NCOR1: variants seen among roughly 807,000 people sequenced by gnomAD.
NCOR1 encodes nuclear receptor corepressor 1.
In NCOR1, 63 loss-of-function variants were observed where a neutral mutation model predicts 288.1. The ratio of observed to expected loss-of-function variants is 0.22; its 90% CI spans 0.18 to 0.27. NCOR1 has a LOEUF of 0.27. Among genes scored for constraint, NCOR1 ranks in the 10% least tolerant of loss-of-function variants. The probability of loss-of-function intolerance (pLI) is 1.00; values close to 1 mark genes in which losing one functional copy is unlikely to be tolerated. For synonymous variants in NCOR1, 1,007 were observed against 1,065.9 expected (o/e 0.94, Z 1.08); for missense variants, 2,397 against 3,019.2 (o/e 0.79, Z 4.83).
At chr17:16,045,797 C>T (rs2058554301) in intron 42 of NCOR1, among the ~76,000 whole-genome samples, 1 of 151,940 alleles carries the variant, frequency 6.6e-6, no homozygotes, top group African/African-American at 2.4e-5. Flanking sequence ...TGAGCCACCA[C>T]ACCCAGACAA....
At chr17:16,113,196 T>A (rs1432582921) in intron 18 of NCOR1, among the ~76,000 whole-genome samples, 1 of 151,504 alleles carries the variant, frequency 6.6e-6, no homozygotes, top group South Asian at 2.1e-4. Flanking sequence ...ATTACAGGCA[T>A]AAGCCACCGC....
At chr17:16,088,370 T>TTA (rs2064589109) in intron 22 of NCOR1, among the ~76,000 whole-genome samples, 2 of 152,156 alleles carry the variant, frequency 1.3e-5, no homozygotes, top group African/African-American at 4.8e-5. Context: ...ACCATCTCTT[T>TTA]TATATATATG....
intron 5 of NCOR1, among the ~76,000 whole-genome samples, chr17:16,159,890 GTGCAATGGCGCTCAC>G (rs1254191533): frequency 6.6e-6 from 1 of 150,766 alleles, no homozygotes; most frequent in Non-Finnish European, 1.5e-5. Context: ...CAAGGCTGGA[GTGCAATGGCGCTCAC>G]TGCAACCTCC....
At chr17:16,213,037 G>A (rs1305231015) in intron 1 of NCOR1, among the ~76,000 whole-genome samples, 3 of 143,090 alleles carry the variant, frequency 2.1e-5, no homozygotes, top group Non-Finnish European at 4.5e-5. Flanking sequence ...TTTCAGCCTG[G>A]GCAAAAGAGA....
chr17:16,189,352 C>T (rs572296992), intron 2 of NCOR1, among the ~76,000 whole-genome samples: 24 of 152,118 alleles, frequency 1.6e-4, no homozygotes, highest in Non-Finnish European at 2.6e-4. Flanking sequence ...CAAGATTGTG[C>T]CACTGTACTT....
intron 14 of NCOR1, among the ~76,000 whole-genome samples, chr17:16,135,896 G>A (rs910719120): frequency 6.6e-6 from 1 of 152,190 alleles, no homozygotes; most frequent in Non-Finnish European, 1.5e-5. Context: ...CAAAAGGGTG[G>A]CTGAGTGGGA....
In NCOR1 at chr17:16,048,976, T is replaced by C. The variant is rs768573754; in HGVS notation, c.6405A>G (p.Lys2135=). 4.4e-6 allele frequency: 7 copies of C among 1,608,578 alleles called. No individual in the cohort carries two copies. In the South Asian group the frequency reaches 5.5e-5, roughly 13 times the overall value. Residue 2135 remains lysine (K), a synonymous_variant, in exon 41 of 46, where the codon AAA becomes AAG. Transcript: ENST00000268712. ...AAGAGACGTGACTCCTCTCTGGGGA[T>C]TTTCCAGGCCTACTATTGTAATATG... ...VDKSRGSRPG[K]SPERSHVSSE...
intron 10 of NCOR1, among the ~76,000 whole-genome samples, chr17:16,144,274 G>A (rs906765197): frequency 6.6e-6 from 1 of 152,124 alleles, no homozygotes; most frequent in Non-Finnish European, 1.5e-5. Flanking sequence ...AGGATATTTA[G>A]GTCTGTTCTT....
At chr17:16,035,026 ATG>A in intron 44 of NCOR1, 82 bp from the exon 45 acceptor site, 3 of 1,346,372 alleles carry the variant, frequency 2.2e-6, no homozygotes, top group African/African-American at 1.5e-5. Context: ...ATATTGCTAA[ATG>A]AAAAAAAAGC....
chr17:16,142,988 ATAAACT>A (rs775221090), intron 11 of NCOR1, among the ~76,000 whole-genome samples: 1 of 152,286 alleles, frequency 6.6e-6, no homozygotes, highest in African/African-American at 2.4e-5. Context: ...TCCTCCATAT[ATAAACT>A]TAATCTCTAT....
chr17:16,130,927 G>C (rs1316236178), intron 14 of NCOR1, among the ~76,000 whole-genome samples: 1 of 151,168 alleles, frequency 6.6e-6, no homozygotes, highest in Non-Finnish European at 1.5e-5. Flanking sequence ...AGGCTCAAGT[G>C]ATTTGCCCAC....
chr17:16,171,896 A>C lies in NCOR1; in HGVS notation c.342T>G (p.Val114=). 2 of 1,613,482 alleles carry C rather than the reference A, an allele frequency of 1.2e-6. No individual in the cohort carries two copies. The highest frequency in any genetic ancestry group is 1.7e-6 in the Non-Finnish European group (2 of 1,179,728). ...TGACACGCTGAAAATGAGAATCAGAAACCTGTTCCAGACGTGGTCGCTTCG... is the reference window on the plus strand; with the variant it reads ...TGACACGCTGAAAATGAGAATCAGACACCTGTTCCAGACGTGGTCGCTTCG... ...LESKRPRLEQ[V]SDSHFQRVSA... The change falls in exon 4 of 46, where the codon GTT becomes GTG. Residue 114 remains valine (V), a synonymous_variant. Coordinates refer to ENST00000268712, the MANE Select transcript of NCOR1 (RefSeq NM_006311.4).
chr17:16,151,717 C>T, intron 8 of NCOR1: 1 of 1,147,144 alleles, frequency 8.7e-7, no homozygotes, highest in Non-Finnish European at 1.2e-6. Flanking sequence ...ATAAAACCAG[C>T]TAGTTTTATG....
intron 21 of NCOR1, among the ~76,000 whole-genome samples, chr17:16,095,366 C>T (rs1371599830): frequency 1.5e-4 from 23 of 151,168 alleles, no homozygotes; most frequent in Admixed American, 5.3e-4. Context: ...CGTCTCCGCC[C>T]GGCAGCCACC....
At chr17:16,168,584 G>A (rs924407003) in intron 4 of NCOR1, among the ~76,000 whole-genome samples, 54 of 152,040 alleles carry the variant, frequency 3.6e-4, no homozygotes, top group Admixed American at 1.2e-3. Flanking sequence ...AATACCCACC[G>A]TACCTTAAAA....
At chr17:16,204,516 A>C (rs574595624) in intron 1 of NCOR1, among the ~76,000 whole-genome samples, 1 of 152,234 alleles carries the variant, frequency 6.6e-6, no homozygotes, top group African/African-American at 2.4e-5. Flanking sequence ...AATGTTTCCA[A>C]GTATCATATA....
rs780221886 is a variant in NCOR1 at position 16,092,013 on chromosome 17, C to T, written c.2866G>A (p.Gly956Ser). The T allele has an allele frequency of 1.2e-5, 19 of 1,613,922 alleles. No individual in the cohort carries two copies. The Admixed American group carries it at 2.2e-4, about 18-fold the overall frequency. ...CNIPIGTPVS[G>S]YALYQRHIKA... is the part of the protein sequence containing the mutation. ...ATGTGTCGCTGGTAGAGAGCATAGC[C>T]GCTCACTGGGGTTCCAATTGGTATG... Residue 956 changes from glycine to serine, a missense_variant, in exon 22 of 46, where the codon GGC (glycine) becomes AGC (serine). Coordinates refer to ENST00000268712, the MANE Select transcript of NCOR1 (RefSeq NM_006311.4).
At chr17:16,118,201 T>A (rs2072123112) in intron 17 of NCOR1, among the ~76,000 whole-genome samples, 174 bp from the exon 18 acceptor site, 1 of 152,216 alleles carries the variant, frequency 6.6e-6, no homozygotes, top group Non-Finnish European at 1.5e-5. Flanking sequence ...GAAACAAAAC[T>A]CATTTACAGT....
At chr17:16,192,655 C>CA (rs919584130) in intron 2 of NCOR1, among the ~76,000 whole-genome samples, 1 of 149,842 alleles carries the variant, frequency 6.7e-6, no homozygotes, top group Admixed American at 6.7e-5. Context: ...AACTCCATCT[C>CA]AAAAAAAAAG....
Sources: allele counts gnomAD v4.1 joint callset (sites outside exome capture counted in the v4.1 genomes callset), GRCh38; gene constraint gnomAD v4.1.1; transcripts MANE v1.5; gene names NCBI Gene and HGNC (gene_info 2026-07-23, HGNC 2026-07-21).